The following RTL4 variants were observed in gnomAD, a reference collection of about 807,000 sequenced individuals.
RTL4 encodes the protein retrotransposon Gag-like protein 4.
RTL4 carries 4 observed loss-of-function variants against 5.3 expected under a neutral mutation model. The observed-to-expected ratio is 0.75, with a 90% CI of 0.37 to 1.72. The LOEUF is 1.72. Among genes scored for constraint, RTL4 ranks in the 40% most tolerant of loss-of-function variants. RTL4 has a pLI of 0.04. For synonymous variants in RTL4, 98 were observed against 87.3 expected (o/e 1.12, Z -0.68); for missense variants, 260 against 227.1 (o/e 1.14, Z -0.93).
At chrX:112,400,269 G>A in the RTL4 span, among the ~76,000 whole-genome samples, 3 of 111,286 alleles carry the variant, frequency 2.7e-5, no homozygotes, top group Non-Finnish European at 5.7e-5. Context: ...CTATTTTCCC[G>A]AATATTATCT....
At chrX:112,214,740 G>A in the RTL4 span, among the ~76,000 whole-genome samples, 1 of 111,226 alleles carries the variant, frequency 9.0e-6, no homozygotes. Flanking sequence ...ATATCTGATT[G>A]TGGTTTTGAT....
chrX:112,412,698 A>G, the RTL4 span, among the ~76,000 whole-genome samples: 4 of 111,609 alleles, frequency 3.6e-5, no homozygotes, highest in African/African-American at 6.5e-5. Context: ...ATATACAAAC[A>G]CCAAATCAAA....
chrX:112,447,499 T>C, the RTL4 span, among the ~76,000 whole-genome samples: 1 of 112,431 alleles, frequency 8.9e-6, no homozygotes, highest in African/African-American at 3.2e-5. Context: ...ATGAGTTTTT[T>C]CTACTGTTTG....
At chrX:112,099,076 C>T in the RTL4 span, among the ~76,000 whole-genome samples, 1 of 111,929 alleles carries the variant, frequency 8.9e-6, no homozygotes, top group Non-Finnish European at 1.9e-5. Context: ...GCAAAAGAAA[C>T]CACCATCAGA....
chrX:112,222,074 G>A, the RTL4 span, among the ~76,000 whole-genome samples: 1 of 111,720 alleles, frequency 9.0e-6, no homozygotes, highest in African/African-American at 3.3e-5. Context: ...TGATATCACT[G>A]TGAGAACAGT....
the RTL4 span, among the ~76,000 whole-genome samples, chrX:112,369,245 A>G: frequency 1.8e-5 from 2 of 112,756 alleles, no homozygotes; most frequent in Non-Finnish European, 3.8e-5. Context: ...TATTCACTCC[A>G]GGTAAAGATA....
At chrX:112,377,807 T>C in the RTL4 span, among the ~76,000 whole-genome samples, 2 of 112,195 alleles carry the variant, frequency 1.8e-5, no homozygotes, top group South Asian at 3.7e-4. Context: ...AGATGCCATG[T>C]TGAATTTATC....
At chrX:112,328,326 TG>T in the RTL4 span, among the ~76,000 whole-genome samples, 6 of 109,265 alleles carry the variant, frequency 5.5e-5, no homozygotes, top group African/African-American at 2.0e-4. Context: ...GCCAAGCAAA[TG>T]GAAAACAAAA....
chrX:112,270,925 T>C, the RTL4 span, among the ~76,000 whole-genome samples: 1 of 109,586 alleles, frequency 9.1e-6, no homozygotes, highest in Non-Finnish European at 1.9e-5. Context: ...AGGTAACTGA[T>C]GCCTAGGCCA....
At chrX:112,435,974 C>T in the RTL4 span, among the ~76,000 whole-genome samples, 3 of 111,575 alleles carry the variant, frequency 2.7e-5, no homozygotes, top group Non-Finnish European at 5.7e-5. Context: ...TCTAGCATTC[C>T]GGGAGGCCGA....
At chrX:112,270,328 A>T in the RTL4 span, among the ~76,000 whole-genome samples, 1 of 112,862 alleles carries the variant, frequency 8.9e-6, no homozygotes, top group Non-Finnish European at 1.9e-5. Context: ...CAAAGCCTTA[A>T]CTAGCTAAAG....
chrX:112,228,325 C>T, the RTL4 span, among the ~76,000 whole-genome samples: 1 of 111,897 alleles, frequency 8.9e-6, no homozygotes, highest in Non-Finnish European at 1.9e-5. Context: ...CCCTGCCATA[C>T]CCACAAGTTC....
At chrX:112,169,026 CTCTT>C in the RTL4 span, among the ~76,000 whole-genome samples, 709 of 49,048 alleles carry the variant, frequency 0.014, 7 homozygotes, top group African/African-American at 0.023. Context: ...CTTTCTCTTT[CTCTT>C]TCTTTCTTTC....
At chrX:112,112,549 G>C in the RTL4 span, among the ~76,000 whole-genome samples, 1 of 112,327 alleles carries the variant, frequency 8.9e-6, no homozygotes, top group Non-Finnish European at 1.9e-5. Context: ...ATTTGGCCTA[G>C]ATATTTGAAT....
At chrX:112,449,849 T>C (rs1369795884), upstream of RTL4, among the ~76,000 whole-genome samples, 3 of 112,132 alleles carry the variant, frequency 2.7e-5, no homozygotes, top group Non-Finnish European at 5.6e-5. Context: ...ATTGTACAAG[T>C]AAGGAAACAA....
chrX:112,258,917 T>A, the RTL4 span, among the ~76,000 whole-genome samples: 1 of 111,557 alleles, frequency 9.0e-6, no homozygotes, highest in Non-Finnish European at 1.9e-5. Flanking sequence ...ACATCAGTTA[T>A]TGAATAATTT....
the RTL4 span, among the ~76,000 whole-genome samples, chrX:112,117,294 G>C: frequency 0.17 from 17,173 of 103,360 alleles, 2,457 homozygotes; most frequent in African/African-American, 0.45. Flanking sequence ...TACAAAATTT[G>C]AAAAGATGGG....
the RTL4 span, among the ~76,000 whole-genome samples, chrX:112,127,724 A>C: frequency 8.9e-6 from 1 of 112,303 alleles, no homozygotes; most frequent in Admixed American, 9.4e-5. Flanking sequence ...AATTCTACAA[A>C]GTTTCAGAGC....
At chrX:112,115,255 C>T in the RTL4 span, among the ~76,000 whole-genome samples, 1 of 111,445 alleles carries the variant, frequency 9.0e-6, no homozygotes, top group Non-Finnish European at 1.9e-5. Flanking sequence ...GATTTAGTGG[C>T]CCTTACCAAT....
Sources: allele counts gnomAD v4.1 joint callset (sites outside exome capture counted in the v4.1 genomes callset), GRCh38; gene constraint gnomAD v4.1.1; transcripts MANE v1.5; gene names NCBI Gene and HGNC (gene_info 2026-07-23, HGNC 2026-07-21).